SLC45A4: variants seen among roughly 807,000 people sequenced by gnomAD.
SLC45A4 encodes polyamine-transporter SLC45A4.
Under a neutral mutation model 63.7 loss-of-function variants are expected in SLC45A4, and 32 were observed. The observed-to-expected ratio is 0.50, with a 90% CI of 0.38 to 0.67. SLC45A4 has a LOEUF of 0.67. SLC45A4 is among the 30% of genes least tolerant of loss of function. The pLI is 0.00. For synonymous variants in SLC45A4, 535 were observed against 510.0 expected (o/e 1.05, Z -0.66); for missense variants, 1,027 against 1,157.7 (o/e 0.89, Z 1.64).
rs1363595712 is a variant in SLC45A4 at position 141,211,532 on chromosome 8, T to A, written c.*40A>T. On this transcript the variant is annotated 3_prime_UTR_variant, in exon 9 of 9. Transcript: ENST00000517878. ...AAGGACAGGGCTGCCCTGGGCACAA[T>A]GTGTCCAACTCGCTGAGGAAAAGAA... The A allele has an allele frequency of 6.2e-7, 1 of 1,613,098 alleles. No homozygotes were observed. Among genetic ancestry groups the A allele is most frequent in the Admixed American group, 1.7e-5 (1 of 59,990 alleles).
At chr8:141,237,999 A>G (rs1421981225) in intron 2 of SLC45A4, among the ~76,000 whole-genome samples, 1 of 152,236 alleles carries the variant, frequency 6.6e-6, no homozygotes, top group Non-Finnish European at 1.5e-5. Context: ...TCTAAACAAA[A>G]CATCCTTGCA....
At chr8:141,268,351 C>T (rs1829367181) in intron 1 of SLC45A4, among the ~76,000 whole-genome samples, 1 of 152,160 alleles carries the variant, frequency 6.6e-6, no homozygotes, top group African/African-American at 2.4e-5. Context: ...TGGAACTACT[C>T]TGTATGGCAC....
chr8:141,254,122 G>T lies in SLC45A4; in HGVS notation c.108C>A (p.Cys36Ter), dbSNP rs751215962. The change falls in exon 2 of 9, where the codon TGC (cysteine) becomes TGA (stop). Residue 36 changes from cysteine to a stop codon, truncating the protein, a stop_gained. Coordinates refer to ENST00000517878, the MANE Select transcript of SLC45A4 (RefSeq NM_001286646.2). LOFTEE classifies it high-confidence loss of function. The surrounding 1 kb of genome is among the most constrained non-coding windows in gnomAD (Gnocchi z 4.5). ...CTATGGACCCCTCGCTGATGGTCTC[G>T]CAGTTCTCGGCCTCTGCGCCTCCGG... ...QKAGGAEAEN[C>*]ETISEGSIDR... 1 of 1,536,042 alleles carries T rather than the reference G, an allele frequency of 6.5e-7. No individual in the cohort carries two copies. Among genetic ancestry groups the T allele is most frequent in the Non-Finnish European group, 8.7e-7 (1 of 1,146,926 alleles).
intron 1 of SLC45A4, among the ~76,000 whole-genome samples, chr8:141,301,353 A>C (rs766699807): frequency 6.6e-6 from 1 of 152,252 alleles, no homozygotes; most frequent in Non-Finnish European, 1.5e-5. Flanking sequence ...TGATAATTAC[A>C]ATGACATAAA....
intron 3 of SLC45A4, 52 bp downstream of exon 3, chr8:141,221,525 G>A: frequency 3.8e-6 from 6 of 1,566,634 alleles, no homozygotes; most frequent in Non-Finnish European, 5.2e-6. Context: ...GCTACCCAGG[G>A]CCAGGACCCC....
chr8:141,232,908 T>G (rs1827436850), intron 2 of SLC45A4, among the ~76,000 whole-genome samples: 1 of 152,226 alleles, frequency 6.6e-6, no homozygotes, highest in Non-Finnish European at 1.5e-5. Flanking sequence ...GTTGCCACTT[T>G]CCATGGTGTA....
At chr8:141,298,990 C>A (rs941306327) in intron 1 of SLC45A4, among the ~76,000 whole-genome samples, 5 of 152,140 alleles carry the variant, frequency 3.3e-5, no homozygotes, top group African/African-American at 1.2e-4. Context: ...CTCTCCCTCA[C>A]CAGTGCCCCC....
chr8:141,234,742 T>C lies in SLC45A4; in HGVS notation c.242-12977A>G, dbSNP rs1228688265. ...GTGACCTCCCTGATAACTACACTGATGACAACAGGCTTTGGAGAGGTCTCG... is the reference window on the plus strand; with the variant it reads ...GTGACCTCCCTGATAACTACACTGACGACAACAGGCTTTGGAGAGGTCTCG... On this transcript the variant is annotated intron_variant, in intron 2 of 8. Coordinates refer to ENST00000517878, the MANE Select transcript of SLC45A4 (RefSeq NM_001286646.2). Among the ~76,000 whole-genome samples the C allele has an allele frequency of 2.0e-5, 3 of 152,174 alleles. No individual in the cohort carries two copies. The South Asian group carries it at 6.2e-4, about 32-fold the overall frequency.
intron 1 of SLC45A4, among the ~76,000 whole-genome samples, chr8:141,258,056 CTTCCT>C (rs1263525505): frequency 1.6e-5 from 2 of 126,376 alleles, no homozygotes; most frequent in Non-Finnish European, 3.3e-5. Context: ...TTTGTTTCTT[CTTCCT>C]TTTTTTTTTT....
rs1250424039 is a variant in SLC45A4 at position 141,210,481 on chromosome 8, C to CCGTG, written c.*1087_*1090dup. 6.6e-6 allele frequency: 1 copy of CCGTG among 152,270 alleles called. No homozygotes were observed. Among genetic ancestry groups the CCGTG allele is most frequent in the African/African-American group, 2.4e-5 (1 of 41,472 alleles). 9.4% of individuals were successfully genotyped at this position (152,270 alleles called of 1,614,324 possible). ...GGGACACCGTGGCCTGGCAGACACA[C>CCGTG]CGTGCGTGAGCAGGTACCCAACTGC... On this transcript the variant is annotated 3_prime_UTR_variant, in exon 9 of 9. Coordinates refer to ENST00000517878, the MANE Select transcript of SLC45A4 (RefSeq NM_001286646.2).
chr8:141,247,027 G>A (rs1828241560), intron 2 of SLC45A4, among the ~76,000 whole-genome samples: 1 of 152,064 alleles, frequency 6.6e-6, no homozygotes, highest in Non-Finnish European at 1.5e-5. Flanking sequence ...ATGAATATAA[G>A]AGCATAAATT....
chr8:141,303,278 C>A (rs1446062094), intron 1 of SLC45A4, among the ~76,000 whole-genome samples: 1 of 149,676 alleles, frequency 6.7e-6, no homozygotes, highest in African/African-American at 2.5e-5. Context: ...ACTATAGGCA[C>A]GTGCCATCGT....
At chr8:141,283,263 A>G (rs941833977) in intron 1 of SLC45A4, among the ~76,000 whole-genome samples, 3 of 152,212 alleles carry the variant, frequency 2.0e-5, no homozygotes, top group African/African-American at 7.2e-5. Context: ...AGAACACTGC[A>G]GCCTCTGCGA....
rs1337231240 is a variant in SLC45A4, at chr8:141,212,253, C to T, written c.2245G>A (p.Val749Met). Residue 749 changes from valine to methionine, a missense_variant, in exon 8 of 9, where the codon GTG becomes ATG. Val to Met is a conservative substitution (Grantham distance 21, BLOSUM62 1). Transcript: ENST00000517878. Reference sequence around the variant, plus strand: ...CCCTCCTTCCGCGTGAGCTTCAGCACGGTGGGCTTTTCGCTGTTCCCACCG... The same window carrying T: ...CCCTCCTTCCGCGTGAGCTTCAGCATGGTGGGCTTTTCGCTGTTCCCACCG... ...RAGGNSEKPT[V>M]LKLTRKEGLQ... 42 of 1,583,586 alleles carry T rather than the reference C, an allele frequency of 2.7e-5. No individual in the cohort carries two copies. The highest frequency in any genetic ancestry group is 1.1e-4 in the East Asian group (5 of 44,546).
rs371778811 is a variant in SLC45A4 at position 141,253,600 on chromosome 8, C to T, written c.241+389G>A. ...TGTGGCACAGAAGGGCTCCCGAATT[C>T]GCCTGCATGACACAGCCAGTGACTG... On this transcript the variant is annotated intron_variant, in intron 2 of 8. Coordinates refer to ENST00000517878, the MANE Select transcript of SLC45A4 (RefSeq NM_001286646.2). 5.3e-5 allele frequency among the ~76,000 whole-genome samples: 8 copies of T among 152,352 alleles called. No homozygotes were observed. The South Asian group carries it at 1.7e-3, about 32-fold the overall frequency.
intron 1 of SLC45A4, among the ~76,000 whole-genome samples, chr8:141,290,801 G>A (rs1007611678): frequency 1.2e-4 from 18 of 152,220 alleles, no homozygotes; most frequent in Admixed American, 2.6e-4. Context: ...GTGGCGGGGG[G>A]GCCTGGGGAG....
At chr8:141,298,005 G>A (rs1830622523) in intron 1 of SLC45A4, among the ~76,000 whole-genome samples, 2 of 140,850 alleles carry the variant, frequency 1.4e-5, no homozygotes, top group African/African-American at 5.3e-5. Flanking sequence ...GTGGATGGTG[G>A]GCCACAGCGC....
At chr8:141,265,315 C>G (rs1163479313) in intron 1 of SLC45A4, among the ~76,000 whole-genome samples, 1 of 152,188 alleles carries the variant, frequency 6.6e-6, no homozygotes, top group African/African-American at 2.4e-5. Flanking sequence ...TTCACGGCCT[C>G]CCCCAGTCAC....
intron 1 of SLC45A4, among the ~76,000 whole-genome samples, chr8:141,264,433 A>G (rs1589830354): frequency 6.6e-6 from 1 of 152,106 alleles, no homozygotes; most frequent in Non-Finnish European, 1.5e-5. Context: ...GGCTGCCGGG[A>G]CATCTCGACC....
Sources: gnomAD v4.1 joint callset for allele counts (sites outside exome capture counted in the v4.1 genomes callset) on GRCh38, gnomAD v4.1.1 for gene constraint, Gnocchi (gnomAD v3.1) non-coding constraint, MANE v1.5 for transcripts, NCBI Gene and HGNC (gene_info 2026-07-23, HGNC 2026-07-21) for gene names.